The following RAB3B variants were observed in gnomAD, a reference collection of about 807,000 sequenced individuals.
RAB3B encodes RAB3B, member RAS oncogene family, also known as ras-related protein Rab-3B.
Under a neutral mutation model 20.5 loss-of-function variants are expected in RAB3B, and 11 were observed. That is an observed-to-expected ratio of 0.54 (90% CI 0.34 to 0.89). The LOEUF (loss-of-function observed/expected upper bound fraction) is 0.89, where lower values mean the gene tolerates loss of function less well. RAB3B is among the 40% of genes least tolerant of loss of function. RAB3B has a pLI of 0.02. For synonymous variants in RAB3B, 99 were observed against 106.3 expected, an observed-to-expected ratio of 0.93 and a Z score of 0.42; for missense variants, 225 against 280.9, an observed-to-expected ratio of 0.80 and a Z score of 1.42.
chr1:51,967,521 C>CTTTTTTTTTTTTTCTTTTTTTTTTT (rs771044746), intron 2 of RAB3B, among the ~76,000 whole-genome samples: 5 of 36,514 alleles, frequency 1.4e-4, no homozygotes, highest in Non-Finnish European at 1.7e-4. Context: ...TTTTCTTTTT[C>CTTTTTTTTTTTTTCTTTTTTTTTTT]TTTTTTTTTT....
chr1:51,972,720 G>A (rs1000754736), intron 2 of RAB3B, among the ~76,000 whole-genome samples: 9 of 152,130 alleles, frequency 5.9e-5, no homozygotes, highest in East Asian at 1.9e-4. Context: ...AAGGCAGCCC[G>A]AGGGGAGAGC....
chr1:51,930,836 T>C (rs1344648784), intron 4 of RAB3B, among the ~76,000 whole-genome samples: 1 of 152,058 alleles, frequency 6.6e-6, no homozygotes, highest in Non-Finnish European at 1.5e-5. Flanking sequence ...GCCAACATGA[T>C]GAAACCCCGT....
chr1:51,925,393 C>T (rs879827747), intron 4 of RAB3B, among the ~76,000 whole-genome samples: 9 of 152,202 alleles, frequency 5.9e-5, no homozygotes, highest in African/African-American at 9.7e-5. Flanking sequence ...TTCCATTTTG[C>T]TTCAGCTATT....
At chr1:51,954,165 C>A (rs983717240) in intron 2 of RAB3B, among the ~76,000 whole-genome samples, 12 of 152,284 alleles carry the variant, frequency 7.9e-5, no homozygotes, top group African/African-American at 2.4e-4. Context: ...TTGAGAGTGC[C>A]TGACACGTGG....
intron 2 of RAB3B, among the ~76,000 whole-genome samples, chr1:51,952,901 C>G (rs1306168066): frequency 6.6e-6 from 1 of 152,082 alleles, no homozygotes; most frequent in Non-Finnish European, 1.5e-5. Context: ...GCTGTGTCTC[C>G]TACACTGGCT....
intron 1 of RAB3B, among the ~76,000 whole-genome samples, chr1:51,980,222 A>G (rs907468147): frequency 2.0e-5 from 3 of 152,182 alleles, no homozygotes; most frequent in Non-Finnish European, 4.4e-5. Context: ...TCAGGCCAGG[A>G]GTTCAAGACC....
At chr1:51,970,319 G>A (rs887364195) in intron 2 of RAB3B, among the ~76,000 whole-genome samples, 4 of 152,036 alleles carry the variant, frequency 2.6e-5, no homozygotes, top group Admixed American at 6.6e-5. Context: ...AGTTGGATCC[G>A]TTGCTGTGGA....
chr1:51,949,206 G>A (rs767748425), intron 2 of RAB3B, among the ~76,000 whole-genome samples: 10 of 152,174 alleles, frequency 6.6e-5, no homozygotes, highest in East Asian at 1.9e-4. Context: ...CAGCTCCTTC[G>A]CACCCCTGGG....
intron 3 of RAB3B, among the ~76,000 whole-genome samples, chr1:51,936,917 A>T (rs1684411892): frequency 6.6e-6 from 1 of 151,672 alleles, no homozygotes. Context: ...AGGTTCAAGC[A>T]ATTCTCCTGC....
intron 2 of RAB3B, among the ~76,000 whole-genome samples, chr1:51,939,392 T>C (rs1335258665): frequency 3.3e-5 from 5 of 151,890 alleles, no homozygotes; most frequent in African/African-American, 1.2e-4. Context: ...GTCATAAAGC[T>C]GGTGACAAAA....
intron 2 of RAB3B, among the ~76,000 whole-genome samples, chr1:51,966,663 C>T (rs1309368954): frequency 6.6e-6 from 1 of 152,184 alleles, no homozygotes; most frequent in Admixed American, 6.5e-5. Context: ...CTGGTTCCTA[C>T]AGGCTTTGGG....
rs1423271447 is a variant in RAB3B, at chr1:51,914,774, C to A, written c.*5153G>T. 2.0e-5 allele frequency: 3 copies of A among 152,126 alleles called. No homozygotes were observed. The highest frequency in any genetic ancestry group is 7.2e-5 in the African/African-American group (3 of 41,414). The allele number at this position is 152,126 out of a possible 1,614,324, so 9.4% of individuals were successfully genotyped here. On this transcript the variant is annotated 3_prime_UTR_variant, in exon 5 of 5. Coordinates refer to ENST00000371655, the MANE Select transcript of RAB3B (RefSeq NM_002867.4). ...CTGAAATCAATGAGATCCCAGGACA[C>A]TGGTTATTGTAGTTCTTTCCCCTTC...
chr1:51,927,020 G>A (rs1296987588), intron 4 of RAB3B, among the ~76,000 whole-genome samples: 1 of 152,178 alleles, frequency 6.6e-6, no homozygotes, highest in African/African-American at 2.4e-5. Flanking sequence ...GACAACAAAG[G>A]TCACAAGAGG....
chr1:51,933,725 T>A (rs1306547199), intron 3 of RAB3B, among the ~76,000 whole-genome samples: 1 of 152,196 alleles, frequency 6.6e-6, no homozygotes, highest in Non-Finnish European at 1.5e-5. Flanking sequence ...GATCTTGGAC[T>A]TCCTAGCTCC....
At chr1:51,939,767 G>T (rs1268621851) in intron 2 of RAB3B, among the ~76,000 whole-genome samples, 1 of 152,124 alleles carries the variant, frequency 6.6e-6, no homozygotes. Flanking sequence ...TAGAGACAAG[G>T]TCTTACTATG....
intron 2 of RAB3B, among the ~76,000 whole-genome samples, chr1:51,949,519 G>A (rs986851575): frequency 1.3e-5 from 2 of 152,218 alleles, no homozygotes; most frequent in Non-Finnish European, 2.9e-5. Context: ...ATGTGTGAGT[G>A]AGCAAGTGCA....
chr1:51,975,924 G>A lies in RAB3B; in HGVS notation c.228+966C>T, dbSNP rs929790511. On this transcript the variant is annotated intron_variant, in intron 2 of 4. Coordinates refer to ENST00000371655, the MANE Select transcript of RAB3B (RefSeq NM_002867.4). Reference sequence around the variant, plus strand: ...GGAGAATCGCTTGAACCCGGGAGGCGGAAGTTGCAGTGAGCTGAGATCATG... The same window carrying A: ...GGAGAATCGCTTGAACCCGGGAGGCAGAAGTTGCAGTGAGCTGAGATCATG... Among the ~76,000 whole-genome samples, 14 of 151,778 alleles carry A rather than the reference G, an allele frequency of 9.2e-5. No individual in the cohort carries two copies. In the South Asian group the frequency reaches 1.9e-3, roughly 20 times the overall value.
intron 1 of RAB3B, among the ~76,000 whole-genome samples, chr1:51,985,738 G>T (rs373312362): frequency 6.6e-6 from 1 of 152,060 alleles, no homozygotes; most frequent in East Asian, 1.9e-4. Flanking sequence ...GAATCAGTGA[G>T]AAATTTGCCT....
intron 2 of RAB3B, among the ~76,000 whole-genome samples, chr1:51,974,026 C>T (rs1207387846): frequency 3.3e-5 from 5 of 152,178 alleles, no homozygotes; most frequent in Admixed American, 6.5e-5. Context: ...ATCCTCTGAC[C>T]GATGACAAGA....
Sources: allele counts gnomAD v4.1 joint callset (sites outside exome capture counted in the v4.1 genomes callset), GRCh38; gene constraint gnomAD v4.1.1; transcripts MANE v1.5; gene names NCBI Gene and HGNC (gene_info 2026-07-23, HGNC 2026-07-21).